The following RIMBP2 variants were observed in gnomAD, a reference collection of about 807,000 sequenced individuals.
The protein encoded by RIMBP2 is RIMS-binding protein 2.
RIMBP2 carries 48 observed loss-of-function variants against 118.6 expected under a neutral mutation model. That is an observed-to-expected ratio of 0.40 (90% CI 0.32 to 0.51). The LOEUF is 0.51. RIMBP2 is among the 20% of genes least tolerant of loss of function. The pLI, the probability that RIMBP2 is intolerant of heterozygous loss-of-function variation, is 0.41. For synonymous variants in RIMBP2, 762 were observed against 742.9 expected (o/e 1.03, Z -0.42); for missense variants, 1,551 against 1,768.3 (o/e 0.88, Z 2.20).
intron 2 of RIMBP2, among the ~76,000 whole-genome samples, chr12:130,521,077 A>G (rs576488045): frequency 3.4e-4 from 51 of 151,964 alleles, no homozygotes; most frequent in East Asian, 7.8e-4. Context: ...CTTGGGGGGG[A>G]AATCAGAAAA....
Position 130,576,880 on chromosome 12 carries a change from C to T in RIMBP2, c.-217+51442G>A, listed in dbSNP as rs1202071515. On this transcript the variant is annotated intron_variant, in intron 2 of 22. Transcript: ENST00000690449. The surrounding 1 kb of genome is among the most constrained non-coding windows in gnomAD (Gnocchi z 4.2). ...GCAAATATCTCCATGTAGAAAGAGA[C>T]CGACAGTGTGGCAGGAGTCGCGGGG... 1.3e-5 allele frequency among the ~76,000 whole-genome samples: 2 copies of T among 152,144 alleles called. No homozygotes were observed. Among genetic ancestry groups the T allele is most frequent in the Non-Finnish European group, 2.9e-5 (2 of 68,034 alleles).
chr12:130,596,155 A>G (rs1010930843), intron 2 of RIMBP2, among the ~76,000 whole-genome samples: 1 of 152,036 alleles, frequency 6.6e-6, no homozygotes, highest in African/African-American at 2.4e-5. Context: ...GGTTCCAACT[A>G]ATCAGCTGAT....
rs983822261 is a variant in RIMBP2 at position 130,617,774 on chromosome 12, G to T, written c.-217+10548C>A. Among the ~76,000 whole-genome samples, 1 of 152,140 alleles carries T rather than the reference G, an allele frequency of 6.6e-6. No individual in the cohort carries two copies. The highest frequency in any genetic ancestry group is 2.4e-5 in the African/African-American group (1 of 41,436). The stretch of plus-strand genomic sequence containing the variant: ...GAATGCACGCAAATTAGATTATTCT[G>T]GTAGAACAGGAATCACTCCGTTGTC... On this transcript the variant is annotated intron_variant, in intron 2 of 22. Coordinates refer to ENST00000690449, the MANE Select transcript of RIMBP2 (RefSeq NM_001393629.1). The surrounding 1 kb of genome is among the most constrained non-coding windows in gnomAD (Gnocchi z 4.6).
chr12:130,441,402 A>AATAATAATAATC (rs200953735), intron 11 of RIMBP2, among the ~76,000 whole-genome samples: 13,306 of 37,836 alleles, frequency 0.35, 784 homozygotes, highest in Middle Eastern at 0.45. Context: ...CTCCATCTCA[A>AATAATAATAATC]ATAATAATAA....
intron 2 of RIMBP2, among the ~76,000 whole-genome samples, chr12:130,611,483 C>G (rs7961225): frequency 0.88 from 133,815 of 152,290 alleles, 58,870 homozygotes; most frequent in South Asian, 0.93. Flanking sequence ...CCCGATCCTC[C>G]GCTGGAAGAC....
intron 22 of RIMBP2, chr12:130,397,825 C>A (rs2074180012): frequency 3.8e-6 from 1 of 260,024 alleles, no homozygotes; most frequent in Admixed American, 5.4e-5. Flanking sequence ...TAATTCACTT[C>A]ATAAATGAAG....
At chr12:130,559,610 A>T (rs572506173) in intron 2 of RIMBP2, among the ~76,000 whole-genome samples, 1 of 152,316 alleles carries the variant, frequency 6.6e-6, no homozygotes, top group African/African-American at 2.4e-5. Flanking sequence ...GGGGAACCTC[A>T]TGCTCTCTTA....
At position 130,593,811 on chromosome 12, in the gene RIMBP2, A is replaced by G. The variant is rs555840793; in HGVS notation, c.-217+34511T>C. Among the ~76,000 whole-genome samples the G allele has an allele frequency of 3.9e-5, 6 of 152,350 alleles. No individual in the cohort carries two copies. The South Asian group carries it at 1.2e-3, about 32-fold the overall frequency. On this transcript the variant is annotated intron_variant, in intron 2 of 22. Coordinates refer to ENST00000690449, the MANE Select transcript of RIMBP2 (RefSeq NM_001393629.1). Reference sequence around the variant, plus strand: ...CCCTGGTTTCATGGGTGGTTGAAAAATAATTACTGACTTGTCAAGAATTGC... The same window carrying G: ...CCCTGGTTTCATGGGTGGTTGAAAAGTAATTACTGACTTGTCAAGAATTGC...
rs1008782541 is a variant in RIMBP2, at chr12:130,475,701, T to C, written c.102+3211A>G. ...GGAATTTTACAGCTTCAGCAGGGTA[T>C]TGGGGAACAAAGGAATGATGGGTAC... On this transcript the variant is annotated intron_variant, in intron 5 of 22. Transcript: ENST00000690449. This position sits in a 1 kb window ranked among gnomAD's most constrained non-coding sequence, Gnocchi z 4.1. Among the ~76,000 whole-genome samples the C allele has an allele frequency of 1.3e-5, 2 of 151,790 alleles. No individual in the cohort carries two copies. Among genetic ancestry groups the C allele is most frequent in the African/African-American group, 2.4e-5 (1 of 41,300 alleles).
intron 2 of RIMBP2, among the ~76,000 whole-genome samples, chr12:130,591,279 TA>T (rs1361434268): frequency 2.0e-5 from 3 of 152,172 alleles, no homozygotes; most frequent in African/African-American, 7.2e-5. Context: ...ACAGAGTCAT[TA>T]TTTTTTTAGA....
chr12:130,492,872 G>A (rs574541793), intron 4 of RIMBP2, among the ~76,000 whole-genome samples: 2 of 152,354 alleles, frequency 1.3e-5, no homozygotes, highest in East Asian at 1.9e-4. Flanking sequence ...GCTCACGCCT[G>A]TAATCCCAGC....
chr12:130,399,230 G>A (rs183098371), intron 22 of RIMBP2: 180 of 894,586 alleles, frequency 2.0e-4, no homozygotes, highest in Admixed American at 1.2e-3. Context: ...AAAACTTGCA[G>A]TGATGAAATA....
intron 2 of RIMBP2, among the ~76,000 whole-genome samples, chr12:130,601,199 A>G (rs1228544417): frequency 3.3e-5 from 5 of 152,140 alleles, no homozygotes; most frequent in African/African-American, 9.7e-5. Flanking sequence ...ACGACCAGTA[A>G]TCAAGATCAC....
At chr12:130,409,012 TCTCCTCCAG>T (rs1018925640) in intron 19 of RIMBP2, among the ~76,000 whole-genome samples, 16 of 152,176 alleles carry the variant, frequency 1.1e-4, no homozygotes, top group African/African-American at 3.9e-4. Flanking sequence ...CACATGTGTG[TCTCCTCCAG>T]AGGTTCGTGT....
At chr12:130,500,485 A>G (rs2049642136) in intron 4 of RIMBP2, among the ~76,000 whole-genome samples, 1 of 152,174 alleles carries the variant, frequency 6.6e-6, no homozygotes, top group Non-Finnish European at 1.5e-5. Flanking sequence ...CAAAAAATAA[A>G]TAAATAAGCC....
At chr12:130,502,264 A>G (rs1214107886) in intron 4 of RIMBP2, among the ~76,000 whole-genome samples, 1 of 152,152 alleles carries the variant, frequency 6.6e-6, no homozygotes, top group Non-Finnish European at 1.5e-5. Context: ...TTTGGGAGCA[A>G]TGATGGACTG....
At chr12:130,399,009 CTTT>C (rs79117967) in intron 22 of RIMBP2, 277 of 418,912 alleles carry the variant, frequency 6.6e-4, no homozygotes, top group East Asian at 9.3e-4. Flanking sequence ...TTCTTTGTAT[CTTT>C]TTTTTTTTTT....
chr12:130,576,082 C>A lies in RIMBP2; in HGVS notation c.-217+52240G>T, dbSNP rs1217078201. Among the ~76,000 whole-genome samples the A allele has an allele frequency of 6.6e-6, 1 of 151,668 alleles. No individual in the cohort carries two copies. The highest frequency in any genetic ancestry group is 1.9e-4 in the East Asian group (1 of 5,134). Reference sequence around the variant, plus strand: ...ATCACAGTGGGAACTGTGTACTCTGCAGGGAGGCTGGTGCGGGGGGACCGT... The same window carrying A: ...ATCACAGTGGGAACTGTGTACTCTGAAGGGAGGCTGGTGCGGGGGGACCGT... On this transcript the variant is annotated intron_variant, in intron 2 of 22. Coordinates refer to ENST00000690449, the MANE Select transcript of RIMBP2 (RefSeq NM_001393629.1). This position sits in a 1 kb window ranked among gnomAD's most constrained non-coding sequence, Gnocchi z 4.2.
At chr12:130,680,612 GC>G (rs1211657266) in intron 1 of RIMBP2, among the ~76,000 whole-genome samples, 2 of 152,196 alleles carry the variant, frequency 1.3e-5, no homozygotes, top group East Asian at 1.9e-4. Flanking sequence ...AGGCAATTTT[GC>G]CCCCACCCAC....
Sources: gnomAD v4.1 joint callset for allele counts (sites outside exome capture counted in the v4.1 genomes callset) on GRCh38, gnomAD v4.1.1 for gene constraint, Gnocchi (gnomAD v3.1) non-coding constraint, MANE v1.5 for transcripts, NCBI Gene and HGNC (gene_info 2026-07-23, HGNC 2026-07-21) for gene names.